The following LAMA2 variants were observed in gnomAD, a reference collection of about 807,000 sequenced individuals.
LAMA2 encodes laminin subunit alpha-2.
A neutral mutation model predicts 364.8 loss-of-function variants in LAMA2; 269 were observed. That is an observed-to-expected ratio of 0.74 (90% CI 0.67 to 0.82). LAMA2 has a LOEUF of 0.82. Ranked by LOEUF, LAMA2 falls within the 40% of genes least tolerant of loss-of-function variation. The pLI is 0.00. For synonymous variants in LAMA2, 1,379 were observed against 1,370.6 expected (o/e 1.01, Z -0.14); for missense variants, 3,807 against 3,873.2 (o/e 0.98, Z 0.45).
chr6:129,307,382 C>T (rs1021760507), intron 22 of LAMA2, among the ~76,000 whole-genome samples: 6 of 152,316 alleles, frequency 3.9e-5, no homozygotes, highest in Non-Finnish European at 5.9e-5. Flanking sequence ...CTCAAGAGAA[C>T]GCTTCTGCAC....
chr6:129,403,175 G>T (rs549703223), intron 39 of LAMA2, among the ~76,000 whole-genome samples: 6 of 152,326 alleles, frequency 3.9e-5, no homozygotes, highest in African/African-American at 1.4e-4. Flanking sequence ...TACATCACAT[G>T]CAAAGCTTTG....
intron 9 of LAMA2, among the ~76,000 whole-genome samples, chr6:129,174,919 A>C (rs1013348579): frequency 4.6e-5 from 7 of 152,128 alleles, no homozygotes; most frequent in Non-Finnish European, 7.4e-5. Context: ...GGTTTTTTGG[A>C]CATCTAGTCT....
intron 31 of LAMA2, 49 bp from the exon 32 acceptor site, chr6:129,353,115 G>C (rs909598978): frequency 1.4e-6 from 2 of 1,424,040 alleles, no homozygotes; most frequent in Admixed American, 1.7e-5. Flanking sequence ...ACAATGTGGA[G>C]ACATGACTTG....
At chr6:129,091,404 T>G (rs766347152) in intron 3 of LAMA2, among the ~76,000 whole-genome samples, 5 of 152,304 alleles carry the variant, frequency 3.3e-5, no homozygotes, top group Non-Finnish European at 7.4e-5. Flanking sequence ...TTCTCATGAG[T>G]TTAATGTGAG....
At chr6:129,159,951 C>A (rs1430906569) in intron 8 of LAMA2, among the ~76,000 whole-genome samples, 1 of 152,126 alleles carries the variant, frequency 6.6e-6, no homozygotes, top group Non-Finnish European at 1.5e-5. Context: ...GTGAATTAAT[C>A]TCCATTTGGT....
intron 28 of LAMA2, among the ~76,000 whole-genome samples, chr6:129,320,932 C>T (rs557846066): frequency 1.7e-4 from 26 of 152,260 alleles, no homozygotes; most frequent in Non-Finnish European, 2.9e-5. Context: ...TATAGCTGAT[C>T]TATTTTCTTG....
chr6:129,029,663 T>C (rs1012815138), intron 1 of LAMA2, among the ~76,000 whole-genome samples: 9 of 151,944 alleles, frequency 5.9e-5, no homozygotes, highest in Non-Finnish European at 1.2e-4. Flanking sequence ...TGTTCATAAC[T>C]GGAAAAAAAC....
chr6:129,507,406 G>T, intron 61 of LAMA2, 83 bp from the exon 62 acceptor site: 1 of 1,405,762 alleles, frequency 7.1e-7, no homozygotes, highest in East Asian at 2.3e-5. Context: ...CACACATAGA[G>T]CACCCTGCAA....
At chr6:129,178,958 A>G (rs1467436981) in intron 10 of LAMA2, among the ~76,000 whole-genome samples, 2 of 152,196 alleles carry the variant, frequency 1.3e-5, no homozygotes, top group Non-Finnish European at 2.9e-5. Flanking sequence ...TGAAATAATA[A>G]AACTCCTGTG....
intron 12 of LAMA2, among the ~76,000 whole-genome samples, chr6:129,207,685 G>C (rs1205171957): frequency 1.3e-5 from 2 of 149,986 alleles, no homozygotes; most frequent in Admixed American, 6.6e-5. Context: ...TGTTTTAGAA[G>C]AATTAGGAGC....
chr6:129,310,833 G>A (rs962477583), intron 22 of LAMA2, among the ~76,000 whole-genome samples: 2 of 152,100 alleles, frequency 1.3e-5, no homozygotes, highest in African/African-American at 2.4e-5. Context: ...TCAAGAGGGC[G>A]TTGCTGTCAT....
At chr6:129,147,080 T>C (rs374692035) in intron 6 of LAMA2, 32 bp downstream of exon 6, 7 of 1,334,080 alleles carry the variant, frequency 5.2e-6, no homozygotes, top group Non-Finnish European at 6.5e-6. Context: ...TTAGGCAAAA[T>C]GAAGCCCTGA....
chr6:129,279,288 G>A (rs1247620638), intron 17 of LAMA2, among the ~76,000 whole-genome samples: 1 of 152,150 alleles, frequency 6.6e-6, no homozygotes, highest in African/African-American at 2.4e-5. Flanking sequence ...ACAAGGCAAA[G>A]AAGCATGGCT....
At chr6:129,366,482 G>A in intron 33 of LAMA2, 121 bp downstream of exon 33, 2 of 1,078,738 alleles carry the variant, frequency 1.9e-6, no homozygotes, top group Non-Finnish European at 2.8e-6. Context: ...ACAACTGTTA[G>A]GGAAATTCAG....
chr6:128,985,849 G>GA (rs1210024375), intron 1 of LAMA2, among the ~76,000 whole-genome samples: 6 of 151,922 alleles, frequency 3.9e-5, no homozygotes, highest in Admixed American at 1.3e-4. Context: ...ACTAAAAAAT[G>GA]AACAATAATT....
chr6:128,937,567 G>C (rs985953737), intron 1 of LAMA2, among the ~76,000 whole-genome samples: 1 of 151,818 alleles, frequency 6.6e-6, no homozygotes, highest in Non-Finnish European at 1.5e-5. Flanking sequence ...ACTTCTTGTA[G>C]GTTATTGTAT....
At chr6:128,929,440 T>C (rs1779306125) in intron 1 of LAMA2, 5 of 843,954 alleles carry the variant, frequency 5.9e-6, no homozygotes, top group Non-Finnish European at 1.0e-5. Context: ...GGAGAAGGAG[T>C]GGACGGTGAG....
chr6:129,059,041 A>G lies in LAMA2; in HGVS notation c.284-743A>G, dbSNP rs1788694447. Among the ~76,000 whole-genome samples, 7 of 152,338 alleles carry G rather than the reference A, an allele frequency of 4.6e-5. No homozygotes were observed. The South Asian group carries it at 1.5e-3, about 32-fold the overall frequency. ...TGCCGACAGACTTCAGTCTCTCTTC[A>G]TGTGAAATGAGTTAAATTAATGAAA... On this transcript the variant is annotated intron_variant, in intron 2 of 64. Transcript: ENST00000421865.
intron 62 of LAMA2, among the ~76,000 whole-genome samples, chr6:129,511,908 G>A (rs1476831058): frequency 6.6e-6 from 1 of 152,104 alleles, no homozygotes; most frequent in Non-Finnish European, 1.5e-5. Context: ...ACCATTTAGT[G>A]TGCCCCACTA....
Sources: allele counts gnomAD v4.1 joint callset (sites outside exome capture counted in the v4.1 genomes callset), GRCh38; gene constraint gnomAD v4.1.1; transcripts MANE v1.5; gene names NCBI Gene and HGNC (gene_info 2026-07-23, HGNC 2026-07-21).